Variants in AGBL4 observed in about 807,000 individuals in gnomAD.
AGBL4 encodes the protein AGBL carboxypeptidase 4, also known as cytosolic carboxypeptidase 6.
In AGBL4, 58 loss-of-function variants were observed where a neutral mutation model predicts 66.4. The ratio of observed to expected loss-of-function variants is 0.87; its 90% confidence interval spans 0.71 to 1.09. The LOEUF (loss-of-function observed/expected upper bound fraction) is 1.09. Among genes scored for constraint, AGBL4 ranks in the 50% least tolerant of loss-of-function variants. The probability of loss-of-function intolerance (pLI) is 0.00; values close to 1 mark genes in which losing one functional copy is unlikely to be tolerated. For synonymous variants in AGBL4, 234 were observed against 222.9 expected (o/e 1.05, Z -0.44); for missense variants, 579 against 631.0 (o/e 0.92, Z 0.88).
At chr1:49,283,189 G>A (rs940567902) in intron 3 of AGBL4, among the ~76,000 whole-genome samples, 4 of 152,192 alleles carry the variant, frequency 2.6e-5, no homozygotes, top group East Asian at 1.9e-4. Context: ...CGGGCAGACT[G>A]CCTCCTCAAG....
intron 6 of AGBL4, among the ~76,000 whole-genome samples, chr1:48,695,335 G>C (rs1646698098): frequency 6.6e-6 from 1 of 152,196 alleles, no homozygotes. Flanking sequence ...GAGAGCTGGG[G>C]CCGCACAAGC....
At chr1:48,600,226 T>C (rs1645053907) in intron 9 of AGBL4, among the ~76,000 whole-genome samples, 1 of 152,076 alleles carries the variant, frequency 6.6e-6, no homozygotes, top group Non-Finnish European at 1.5e-5. Flanking sequence ...ACTAAATGAA[T>C]AAATAAATGA....
At chr1:49,448,667 T>C (rs1287575283) in intron 3 of AGBL4, among the ~76,000 whole-genome samples, 1 of 152,094 alleles carries the variant, frequency 6.6e-6, no homozygotes, top group African/African-American at 2.4e-5. Context: ...TAAGAAGATA[T>C]TACCAGAAGG....
intron 1 of AGBL4, among the ~76,000 whole-genome samples, chr1:49,865,690 T>C (rs1448930582): frequency 1.3e-5 from 2 of 149,872 alleles, no homozygotes; most frequent in Non-Finnish European, 3.0e-5. Flanking sequence ...AAAGCCAGAG[T>C]TCCTCCTCTC....
At chr1:48,972,336 G>A (rs1180687840) in intron 5 of AGBL4, among the ~76,000 whole-genome samples, 1 of 152,124 alleles carries the variant, frequency 6.6e-6, no homozygotes, top group Non-Finnish European at 1.5e-5. Context: ...AATATGAGGT[G>A]TGAAATAGTC....
rs1653013692 is a variant in AGBL4 at position 49,552,215 on chromosome 1, C to T, written c.282+145098G>A. Among the ~76,000 whole-genome samples, 3 of 152,144 alleles carry T rather than the reference C, an allele frequency of 2.0e-5. No homozygotes were observed. In the South Asian group the frequency reaches 6.2e-4, roughly 32 times the overall value. On this transcript the variant is annotated intron_variant, in intron 3 of 13. Transcript: ENST00000371839. ...GGGTGAGCCAGGCTTGAGAACTTAC[C>T]CCAAGCTACCTGTCTCCTAGCTGAG...
At position 49,225,068 on chromosome 1, in the gene AGBL4, G is replaced by T. The variant is rs184423443; in HGVS notation, c.377+20702C>A. Among the ~76,000 whole-genome samples the T allele has an allele frequency of 1.8e-3, 281 of 152,188 alleles. 2 individuals are homozygous for T. Among genetic ancestry groups the T allele is most frequent in the African/African-American group, 6.4e-3 (266 of 41,520 alleles). ...CAGATGATGCCAATATGATAACAAC[G>T]GAAAAATAAGAAGGGCCGTAAGACT... On this transcript the variant is annotated intron_variant, in intron 4 of 13. Coordinates refer to ENST00000371839, the MANE Select transcript of AGBL4 (RefSeq NM_032785.4).
At chr1:48,875,910 C>T (rs187519092) in intron 5 of AGBL4, among the ~76,000 whole-genome samples, 6 of 152,226 alleles carry the variant, frequency 3.9e-5, no homozygotes, top group Admixed American at 1.3e-4. Flanking sequence ...CTGAAGCCTA[C>T]GCTCCATTAG....
intron 3 of AGBL4, among the ~76,000 whole-genome samples, chr1:49,466,887 T>C (rs948164843): frequency 6.6e-6 from 1 of 151,828 alleles, no homozygotes; most frequent in African/African-American, 2.4e-5. Context: ...CAAAGATGAA[T>C]CATCCAGAGA....
At chr1:49,150,455 CAAAG>C (rs1363337497) in intron 4 of AGBL4, among the ~76,000 whole-genome samples, 4 of 152,054 alleles carry the variant, frequency 2.6e-5, no homozygotes, top group Non-Finnish European at 5.9e-5. Flanking sequence ...GAAAAAAAGA[CAAAG>C]GAAATAGGAT....
chr1:48,571,383 G>C (rs1293168194), intron 11 of AGBL4, among the ~76,000 whole-genome samples: 1 of 152,250 alleles, frequency 6.6e-6, no homozygotes, highest in African/African-American at 2.4e-5. Context: ...AGATGTGATA[G>C]TCTCAGAGGA....
At chr1:49,731,083 A>G (rs1421004977) in intron 2 of AGBL4, among the ~76,000 whole-genome samples, 3 of 152,086 alleles carry the variant, frequency 2.0e-5, no homozygotes, top group Non-Finnish European at 2.9e-5. Context: ...CAGATGAAAG[A>G]CAGAAAGTGT....
At chr1:48,664,965 CCTT>C (rs1646162974) in intron 6 of AGBL4, among the ~76,000 whole-genome samples, 1 of 152,182 alleles carries the variant, frequency 6.6e-6, no homozygotes, top group Non-Finnish European at 1.5e-5. Context: ...TAGGATTTCT[CCTT>C]CTGAAATGCT....
At chr1:48,970,841 C>A (rs972709355) in intron 5 of AGBL4, among the ~76,000 whole-genome samples, 7 of 152,044 alleles carry the variant, frequency 4.6e-5, no homozygotes, top group African/African-American at 1.4e-4. Flanking sequence ...GTCTTTCTGT[C>A]CTCATCTGAA....
chr1:49,350,193 T>C (rs966707158), intron 3 of AGBL4, among the ~76,000 whole-genome samples: 3 of 151,968 alleles, frequency 2.0e-5, no homozygotes, highest in Admixed American at 2.0e-4. Context: ...ATTTGTTTTT[T>C]TTTTTGTTTT....
chr1:49,197,322 T>C (rs1440979058), intron 4 of AGBL4, among the ~76,000 whole-genome samples: 1 of 152,174 alleles, frequency 6.6e-6, no homozygotes, highest in South Asian at 2.1e-4. Flanking sequence ...TGGGGTTGTG[T>C]GAGCAACAGT....
At chr1:49,021,140 G>C (rs1663214280) in intron 5 of AGBL4, among the ~76,000 whole-genome samples, 1 of 152,188 alleles carries the variant, frequency 6.6e-6, no homozygotes, top group South Asian at 2.1e-4. Context: ...GCAGCATAGA[G>C]AGCAAACATT....
intron 5 of AGBL4, among the ~76,000 whole-genome samples, chr1:48,978,846 C>G (rs1659540579): frequency 6.6e-6 from 1 of 152,088 alleles, no homozygotes; most frequent in South Asian, 2.1e-4. Flanking sequence ...TAATTAATAG[C>G]TGCAATGTTT....
At chr1:48,801,111 T>G (rs1336830478) in intron 6 of AGBL4, among the ~76,000 whole-genome samples, 2 of 152,124 alleles carry the variant, frequency 1.3e-5, no homozygotes, top group Non-Finnish European at 2.9e-5. Flanking sequence ...AAGCTGGCAG[T>G]GACAGGCTTC....
Sources: allele counts gnomAD v4.1 joint callset (sites outside exome capture counted in the v4.1 genomes callset), GRCh38; gene constraint gnomAD v4.1.1; transcripts MANE v1.5; gene names NCBI Gene and HGNC (gene_info 2026-07-23, HGNC 2026-07-21).